The following COTL1 variants were observed in gnomAD, a reference collection of about 807,000 sequenced individuals.
The protein encoded by COTL1 is coactosin like F-actin binding protein 1.
A neutral mutation model predicts 16.5 loss-of-function variants in COTL1; 15 were observed. The observed-to-expected ratio is 0.91, with a 90% CI of 0.61 to 1.40. The LOEUF (loss-of-function observed/expected upper bound fraction) is 1.40. Ranked by LOEUF, COTL1 falls within the 40% of genes most tolerant of loss-of-function variation. The pLI is 0.00. For missense variants in COTL1, 220 were observed against 201.5 expected (o/e 1.09, Z -0.56); for synonymous variants, 112 against 85.3 (o/e 1.31, Z -1.73).
intron 2 of COTL1, among the ~76,000 whole-genome samples, chr16:84,602,665 G>C (rs1219979291): frequency 6.6e-6 from 1 of 152,070 alleles, no homozygotes; most frequent in Non-Finnish European, 1.5e-5. Flanking sequence ...GACCAGCCTG[G>C]CCAACCCGGC....
At chr16:84,602,327 G>A (rs2150693085) in intron 2 of COTL1, among the ~76,000 whole-genome samples, 1 of 150,994 alleles carries the variant, frequency 6.6e-6, no homozygotes, top group African/African-American at 2.4e-5. Context: ...GGAGGTTGAG[G>A]CTGCAGTGAA....
chr16:84,593,528 T>TG (rs1904922185), intron 2 of COTL1, among the ~76,000 whole-genome samples: 1 of 97,834 alleles, frequency 1.0e-5, no homozygotes, highest in East Asian at 2.9e-4. Context: ...TTTTTTTTTT[T>TG]GAGAAGGGAG....
chr16:84,617,729 G>A (rs1905534870), intron 1 of COTL1, 109 bp downstream of exon 1: 3 of 1,385,324 alleles, frequency 2.2e-6, no homozygotes, highest in Non-Finnish European at 2.0e-6. Context: ...ATAAGGCGAG[G>A]AAGACAGCGC....
intron 2 of COTL1, 116 bp downstream of exon 2, chr16:84,617,385 G>C: frequency 1.1e-6 from 1 of 914,918 alleles, no homozygotes; most frequent in Non-Finnish European, 1.7e-6. Context: ...CACGCCATGC[G>C]CCAGGGGCAC....
intron 3 of COTL1, among the ~76,000 whole-genome samples, chr16:84,573,339 G>A (rs1197544402): frequency 6.6e-6 from 1 of 152,238 alleles, no homozygotes; most frequent in African/African-American, 2.4e-5. Flanking sequence ...GGTCTAGACA[G>A]AACACGAAAG....
At position 84,615,649 on chromosome 16, in the gene COTL1, G is replaced by A. The variant is rs780967509; in HGVS notation, c.160+1852C>T. On this transcript the variant is annotated intron_variant, in intron 2 of 3. Coordinates refer to ENST00000262428, the MANE Select transcript of COTL1 (RefSeq NM_021149.5). ...TGACTCTCCTGGCTGTTCACGGACCGGAGGGGAGAAAGTTAAGAGTTTGCA... is the reference window on the plus strand; with the variant it reads ...TGACTCTCCTGGCTGTTCACGGACCAGAGGGGAGAAAGTTAAGAGTTTGCA... Among the ~76,000 whole-genome samples the A allele has an allele frequency of 9.2e-5, 14 of 152,154 alleles. 1 individual carries two copies. The highest frequency in any genetic ancestry group is 1.8e-4 in the Non-Finnish European group (12 of 68,022).
intron 2 of COTL1, among the ~76,000 whole-genome samples, chr16:84,617,032 C>A (rs973991875): frequency 1.4e-4 from 22 of 152,180 alleles, no homozygotes; most frequent in African/African-American, 5.3e-4. Context: ...TTCTACTCGT[C>A]AAATTAAAAA....
chr16:84,590,155 G>A lies in COTL1; in HGVS notation c.268C>T (p.Gln90Ter), dbSNP rs368776195. ...TWIGENVSGL[Q>*]RAKTGTDKTL... ...TTGTCCGTCCCGGTTTTGGCGCGCT[G>A]CAGCCCGCTGACGTTCTCACCGATC... Residue 90 changes from glutamine (Q) to a stop codon, truncating the protein, a stop_gained, in exon 3 of 4, where the codon CAG becomes TAG. Transcript: ENST00000262428. LOFTEE classifies it high-confidence loss of function. The surrounding 1 kb of genome is among the most constrained non-coding windows in gnomAD (Gnocchi z 5.5). 1.2e-6 allele frequency: 2 copies of A among 1,614,110 alleles called. No homozygotes were observed. The highest frequency in any genetic ancestry group is 2.7e-5 in the African/African-American group (2 of 75,048).
chr16:84,607,877 G>C (rs774733034), intron 2 of COTL1, among the ~76,000 whole-genome samples: 2 of 152,168 alleles, frequency 1.3e-5, no homozygotes, highest in Non-Finnish European at 2.9e-5. Context: ...TCATGATCAA[G>C]GGTGGAGCCC....
At chr16:84,600,713 C>G in intron 2 of COTL1, among the ~76,000 whole-genome samples, 1 of 152,148 alleles carries the variant, frequency 6.6e-6, no homozygotes, top group Non-Finnish European at 1.5e-5. Context: ...TTTGATATCC[C>G]ACGCAGGAGA....
At chr16:84,570,028 A>C (rs1904316893) in intron 3 of COTL1, among the ~76,000 whole-genome samples, 1 of 152,242 alleles carries the variant, frequency 6.6e-6, no homozygotes, top group African/African-American at 2.4e-5. Flanking sequence ...CTGTAATCCC[A>C]GCACTTTGGG....
At chr16:84,569,938 C>G (rs1904316297) in intron 3 of COTL1, among the ~76,000 whole-genome samples, 1 of 152,214 alleles carries the variant, frequency 6.6e-6, no homozygotes, top group Non-Finnish European at 1.5e-5. Context: ...AATAAGAACA[C>G]TTGAAGTTCC....
chr16:84,600,217 G>C (rs1039260779), intron 2 of COTL1, among the ~76,000 whole-genome samples: 1 of 151,798 alleles, frequency 6.6e-6, no homozygotes, highest in Non-Finnish European at 1.5e-5. Context: ...AAAAAACTTT[G>C]CAAAAGTATT....
chr16:84,617,094 G>A (rs982858140), intron 2 of COTL1, among the ~76,000 whole-genome samples: 1 of 152,172 alleles, frequency 6.6e-6, no homozygotes, highest in African/African-American at 2.4e-5. Context: ...AAAGGAGGGC[G>A]CGGCTGAGTT....
intron 2 of COTL1, among the ~76,000 whole-genome samples, chr16:84,601,017 G>A (rs1905096887): frequency 6.7e-6 from 1 of 148,638 alleles, no homozygotes; most frequent in African/African-American, 2.5e-5. Flanking sequence ...TTAGAGAAGA[G>A]TGGCTGTAAA....
chr16:84,592,475 T>C (rs535924077), intron 2 of COTL1, among the ~76,000 whole-genome samples: 176 of 152,214 alleles, frequency 1.2e-3, no homozygotes, highest in African/African-American at 4.0e-3. Context: ...TCTCAAACAT[T>C]GTGTGGATTT....
chr16:84,611,293 T>A (rs1905318214), intron 2 of COTL1, among the ~76,000 whole-genome samples: 1 of 152,164 alleles, frequency 6.6e-6, no homozygotes, highest in African/African-American at 2.4e-5. Flanking sequence ...TTGCAACACA[T>A]AATTTGAGGT....
chr16:84,613,225 C>G (rs1277113882), intron 2 of COTL1, among the ~76,000 whole-genome samples: 1 of 152,068 alleles, frequency 6.6e-6, no homozygotes, highest in East Asian at 1.9e-4. Context: ...GTCTCGAACT[C>G]CTGACCTCAA....
chr16:84,608,995 T>A (rs1275554292), intron 2 of COTL1, among the ~76,000 whole-genome samples: 1 of 152,230 alleles, frequency 6.6e-6, no homozygotes, highest in Non-Finnish European at 1.5e-5. Flanking sequence ...ACGGACAGAC[T>A]GTTCAGCACT....
Sources: gnomAD v4.1 joint callset for allele counts (sites outside exome capture counted in the v4.1 genomes callset) on GRCh38, gnomAD v4.1.1 for gene constraint, Gnocchi (gnomAD v3.1) non-coding constraint, MANE v1.5 for transcripts, NCBI Gene and HGNC (gene_info 2026-07-23, HGNC 2026-07-21) for gene names.